The following MAL variants were observed in gnomAD, a reference collection of about 807,000 sequenced individuals.
MAL encodes the protein mal, T cell differentiation protein (MAL blood group).
A neutral mutation model predicts 16.7 loss-of-function variants in MAL; 5 were observed. The observed-to-expected ratio is 0.30, with a 90% CI of 0.16 to 0.63. The LOEUF (loss-of-function observed/expected upper bound fraction) is 0.63, where lower values mean the gene tolerates loss of function less well. Among genes scored for constraint, MAL ranks in the 30% least tolerant of loss-of-function variants. The pLI is 0.82. For synonymous variants in MAL, 96 were observed against 85.5 expected (o/e 1.12, Z -0.67); for missense variants, 202 against 195.8 (o/e 1.03, Z -0.19).
chr2:95,047,892 G>A (rs1674626176), intron 1 of MAL, 67 bp from the exon 2 acceptor site: 10 of 1,522,474 alleles, frequency 6.6e-6, no homozygotes, highest in Middle Eastern at 1.9e-4. Context: ...GTGACCGCTG[G>A]TCGGGGGCCC....
At position 95,047,954 on chromosome 2, in the gene MAL, C is replaced by G; in HGVS notation, c.94-5C>G. ...CCAAAACTCACCCCTCCTCCTCCCCCGCAGATCTTCGGGGGCCTGGTGTGG... is the reference window on the plus strand; with the variant it reads ...CCAAAACTCACCCCTCCTCCTCCCCGGCAGATCTTCGGGGGCCTGGTGTGG... On this transcript the variant is annotated splice_polypyrimidine_tract_variant and splice_region_variant and intron_variant, in intron 1 of 3. Coordinates refer to ENST00000309988, the MANE Select transcript of MAL (RefSeq NM_002371.4). The G allele has an allele frequency of 1.9e-6, 3 of 1,612,900 alleles. No individual in the cohort carries two copies. The highest frequency in any genetic ancestry group is 2.5e-6 in the Non-Finnish European group (3 of 1,179,444).
intron 1 of MAL, among the ~76,000 whole-genome samples, chr2:95,037,726 CAGTGAGTGACTGAGTGGGTG>C (rs1406278550): frequency 1.6e-4 from 8 of 50,902 alleles, no homozygotes; most frequent in South Asian, 6.9e-4. Context: ...GTGACTGAGT[CAGTGAGTGACTGAGTGGGTG>C]AGTGAGTGAC....
intron 2 of MAL, 121 bp from the exon 3 acceptor site, chr2:95,049,460 A>AG: frequency 8.4e-7 from 1 of 1,186,380 alleles, no homozygotes; most frequent in East Asian, 2.6e-5. Context: ...CAAGGTTGGG[A>AG]GGGGTGGGAT....
At chr2:95,030,521 A>G (rs1674052205) in intron 1 of MAL, among the ~76,000 whole-genome samples, 1 of 152,216 alleles carries the variant, frequency 6.6e-6, no homozygotes, top group Non-Finnish European at 1.5e-5. Context: ...TTCACAGGGA[A>G]GGCTTTCTGT....
chr2:95,031,230 G>A (rs1674069424), intron 1 of MAL, among the ~76,000 whole-genome samples: 1 of 152,164 alleles, frequency 6.6e-6, no homozygotes, highest in Non-Finnish European at 1.5e-5. Context: ...TCAGCCACAC[G>A]AGATTTTGCT....
intron 1 of MAL, among the ~76,000 whole-genome samples, chr2:95,045,751 C>T (rs557134283): frequency 4.6e-5 from 7 of 152,342 alleles, no homozygotes; most frequent in African/African-American, 9.6e-5. Context: ...ATGCCACCCT[C>T]GCATGCCTCC....
chr2:95,053,320 C>A, intron 3 of MAL, 61 bp from the exon 4 acceptor site: 1 of 1,154,368 alleles, frequency 8.7e-7, no homozygotes, highest in Non-Finnish European at 1.3e-6. Context: ...GGATGCAGTG[C>A]AGACGCTGTG....
chr2:95,038,796 CTGAG>C (rs201270264), intron 1 of MAL, among the ~76,000 whole-genome samples: 70 of 132,220 alleles, frequency 5.3e-4, no homozygotes, highest in East Asian at 1.4e-3. Flanking sequence ...GAGTGAGTGA[CTGAG>C]TGAGTGACCG....
At chr2:95,026,128 A>T (rs905129613) in intron 1 of MAL, among the ~76,000 whole-genome samples, 14 of 151,826 alleles carry the variant, frequency 9.2e-5, no homozygotes, top group African/African-American at 3.4e-4. Flanking sequence ...TGGGTTCCCA[A>T]CTGGGGTCAG....
At chr2:95,046,165 T>G (rs899076812) in intron 1 of MAL, among the ~76,000 whole-genome samples, 2 of 152,212 alleles carry the variant, frequency 1.3e-5, no homozygotes, top group African/African-American at 2.4e-5. Context: ...GACAGCGGTA[T>G]CTCTCACCCA....
At chr2:95,034,547 G>A (rs568797319) in intron 1 of MAL, among the ~76,000 whole-genome samples, 6 of 152,260 alleles carry the variant, frequency 3.9e-5, no homozygotes, top group East Asian at 1.9e-4. Flanking sequence ...TCAGTGTGTC[G>A]GCTGTATGCA....
intron 1 of MAL, among the ~76,000 whole-genome samples, chr2:95,030,120 T>C (rs1296642830): frequency 6.6e-6 from 1 of 152,108 alleles, no homozygotes; most frequent in Non-Finnish European, 1.5e-5. Context: ...GGGTGGCAGC[T>C]CAGGGTGGGG....
chr2:95,047,809 A>G (rs1674624294), intron 1 of MAL, 150 bp from the exon 2 acceptor site: 1 of 718,374 alleles, frequency 1.4e-6, no homozygotes. Flanking sequence ...CTAAAGATGC[A>G]TTTTTGCAGA....
intron 1 of MAL, among the ~76,000 whole-genome samples, chr2:95,037,912 GTGAGTGAGTGAC>G (rs1339208177): frequency 6.9e-6 from 1 of 144,162 alleles, no homozygotes; most frequent in Admixed American, 6.9e-5. Flanking sequence ...GAGTGACTTG[GTGAGTGAGTGAC>G]TGAGTGAGTG....
intron 1 of MAL, among the ~76,000 whole-genome samples, chr2:95,034,841 C>T (rs1451677429): frequency 6.6e-6 from 1 of 152,196 alleles, no homozygotes; most frequent in African/African-American, 2.4e-5. Context: ...CACCGGGAAG[C>T]CCACCCTTCT....
At chr2:95,045,432 G>A (rs1674564206) in intron 1 of MAL, among the ~76,000 whole-genome samples, 2 of 152,190 alleles carry the variant, frequency 1.3e-5, no homozygotes, top group African/African-American at 2.4e-5. Flanking sequence ...CCGATGCATG[G>A]CTGGATGGGT....
chr2:95,038,927 G>GACTCA (rs1674348037), intron 1 of MAL, among the ~76,000 whole-genome samples: 1 of 104,652 alleles, frequency 9.6e-6, no homozygotes, highest in African/African-American at 3.7e-5. Context: ...TGACTGAGTA[G>GACTCA]GTGAGTGAGT....
intron 1 of MAL, among the ~76,000 whole-genome samples, chr2:95,037,472 GTGAC>G (rs1241235195): frequency 6.6e-6 from 1 of 151,102 alleles, no homozygotes; most frequent in Non-Finnish European, 1.5e-5. Flanking sequence ...GACTAACTGA[GTGAC>G]TGAGTGACTG....
chr2:95,048,166 G>A (rs763894637), intron 2 of MAL, 40 bp downstream of exon 2: 20 of 1,559,968 alleles, frequency 1.3e-5, no homozygotes, highest in Admixed American at 1.7e-5. Flanking sequence ...GTAGGGGGGC[G>A]CAGGAAGTAC....
Sources: allele counts gnomAD v4.1 joint callset (sites outside exome capture counted in the v4.1 genomes callset), GRCh38; gene constraint gnomAD v4.1.1; transcripts MANE v1.5; gene names NCBI Gene and HGNC (gene_info 2026-07-23, HGNC 2026-07-21).